The following HOMER2 variants were observed in gnomAD, a reference collection of about 807,000 sequenced individuals.
The protein encoded by HOMER2 is homer protein homolog 2.
In HOMER2, 27 loss-of-function variants were observed where a neutral mutation model predicts 47.0. That is an observed-to-expected ratio of 0.57 (90% CI 0.42 to 0.79). The LOEUF is 0.79. Ranked by LOEUF, HOMER2 falls within the 30% of genes least tolerant of loss-of-function variation. The pLI is 0.00. For synonymous variants in HOMER2, 161 were observed against 163.8 expected, an observed-to-expected ratio of 0.98 and a Z score of 0.13; for missense variants, 443 against 435.0, an observed-to-expected ratio of 1.02 and a Z score of -0.16.
downstream of HOMER2, chr15:82,845,217 TTC>T (rs1567006482): frequency 2.2e-5 from 2 of 89,252 alleles, no homozygotes; most frequent in East Asian, 2.7e-4. Flanking sequence ...TTGCTGTTTC[TTC>T]ACACACACAC....
intron 1 of HOMER2, among the ~76,000 whole-genome samples, chr15:82,928,897 T>G (rs1311496531): frequency 2.1e-5 from 2 of 97,252 alleles, no homozygotes; most frequent in African/African-American, 4.6e-5. Flanking sequence ...GAGAGCCCCA[T>G]CTACAAAAAA....
At chr15:82,963,802 C>T (rs2054650809) in intron 1 of HOMER2, among the ~76,000 whole-genome samples, 2 of 152,144 alleles carry the variant, frequency 1.3e-5, no homozygotes, top group African/African-American at 4.8e-5. Context: ...GCTGCTTTTA[C>T]CAACCCTCAA....
intron 2 of HOMER2, among the ~76,000 whole-genome samples, chr15:82,878,749 T>C (rs1194508479): frequency 6.6e-6 from 1 of 152,172 alleles, no homozygotes; most frequent in Non-Finnish European, 1.5e-5. Flanking sequence ...CGTCTCAGCC[T>C]CCCAAGTAGC....
At chr15:82,965,122 G>A (rs1022682377) in intron 1 of HOMER2, among the ~76,000 whole-genome samples, 4 of 151,990 alleles carry the variant, frequency 2.6e-5, no homozygotes, top group African/African-American at 9.7e-5. Flanking sequence ...TGGGCTCAAG[G>A]GATCCTCCTG....
At chr15:82,982,259 T>G (rs1028828772) in intron 1 of HOMER2, among the ~76,000 whole-genome samples, 7 of 152,204 alleles carry the variant, frequency 4.6e-5, no homozygotes, top group African/African-American at 1.7e-4. Context: ...TTGCAAACAT[T>G]TCCATCAAAA....
intron 2 of HOMER2, among the ~76,000 whole-genome samples, chr15:82,878,114 A>C (rs1313621355): frequency 6.6e-6 from 1 of 152,144 alleles, no homozygotes; most frequent in Non-Finnish European, 1.5e-5. Flanking sequence ...TTCACTTTAA[A>C]TCTTGCTGCT....
chr15:82,906,361 A>G (rs1344465123), intron 1 of HOMER2, among the ~76,000 whole-genome samples: 1 of 152,248 alleles, frequency 6.6e-6, no homozygotes, highest in Non-Finnish European at 1.5e-5. Context: ...TTAAATGTCA[A>G]TGTTCTAAAT....
Position 82,875,402 on chromosome 15 carries a change from C to A in HOMER2, c.165G>T (p.Val55=). Reference sequence around the variant, plus strand: ...TCGGTGTGATTGTGCTGTTTATGATCACCTGCAGAAAAACAGCCCAAAGAG... The same window carrying A: ...TCGGTGTGATTGTGCTGTTTATGATAACCTGCAGAAAAACAGCCCAAAGAG... The part of the protein sequence containing the change: ...YRIISVDGAK[V]IINSTITPNM... Residue 55 remains valine (V), a splice_region_variant and synonymous_variant, in exon 3 of 9, where the codon GTG becomes GTT. Transcript: ENST00000450735. 1.2e-6 allele frequency: 2 copies of A among 1,613,732 alleles called. No individual in the cohort carries two copies. Among genetic ancestry groups the A allele is most frequent in the Non-Finnish European group, 8.5e-7 (1 of 1,179,800 alleles).
upstream of HOMER2, chr15:82,952,819 G>C (rs997588256): frequency 4.3e-3 from 2,548 of 598,264 alleles, 57 homozygotes; most frequent in African/African-American, 0.053. Flanking sequence ...CGTGGCCCCC[G>C]GGCCGCGGCA....
At chr15:82,933,876 T>C (rs2054075481) in intron 1 of HOMER2, among the ~76,000 whole-genome samples, 1 of 152,080 alleles carries the variant, frequency 6.6e-6, no homozygotes, top group African/African-American at 2.4e-5. Flanking sequence ...GCCCAAGACA[T>C]GAATAGGTGC....
Position 82,859,151 on chromosome 15 carries a change from G to A in HOMER2, c.388-16C>T, listed in dbSNP as rs779974114. 1.2e-5 allele frequency: 19 copies of A among 1,613,778 alleles called. No individual in the cohort carries two copies. The highest frequency in any genetic ancestry group is 1.7e-5 in the Admixed American group (1 of 59,980). ...CACTGGATGCCTGAGTAGAAGATGG[G>A]GTTTCACGCCCAGATTCCTGGCCAA... On this transcript the variant is annotated splice_polypyrimidine_tract_variant and intron_variant, in intron 4 of 8. Transcript: ENST00000450735.
chr15:82,861,011 G>T (rs904561171), intron 4 of HOMER2, among the ~76,000 whole-genome samples: 1 of 140,986 alleles, frequency 7.1e-6, no homozygotes, highest in African/African-American at 2.7e-5. Flanking sequence ...AGAAAGAAAA[G>T]AAAACAAAAG....
At chr15:82,974,256 T>C (rs1358096137) in intron 1 of HOMER2, among the ~76,000 whole-genome samples, 1 of 150,998 alleles carries the variant, frequency 6.6e-6, no homozygotes. Flanking sequence ...AATACAAAAT[T>C]AGCCAGCCGT....
chr15:82,946,242 G>A (rs771404397), intron 1 of HOMER2, among the ~76,000 whole-genome samples: 6 of 152,172 alleles, frequency 3.9e-5, no homozygotes, highest in Non-Finnish European at 5.9e-5. Flanking sequence ...TATTTCCAGC[G>A]AACTGTGCGA....
Position 82,921,568 on chromosome 15 carries a change from C to G in HOMER2, c.6-28727G>C, listed in dbSNP as rs556024237. On this transcript the variant is annotated intron_variant, in intron 1 of 8. Coordinates refer to ENST00000450735, the MANE Select transcript of HOMER2 (RefSeq NM_004839.4). ...CCAGTCTTGGCTCTGCCAGTGGAGT[C>G]CACTCGTCCCCCATCCCGCTGATAT... Among the ~76,000 whole-genome samples, 9 of 152,350 alleles carry G rather than the reference C, an allele frequency of 5.9e-5. No individual in the cohort carries two copies. In the South Asian group the frequency reaches 1.9e-3, roughly 32 times the overall value.
exon 2 of HOMER2, chr15:82,838,023 T>TA (rs1287712448): frequency 6.6e-6 from 1 of 152,508 alleles, no homozygotes; most frequent in African/African-American, 2.4e-5. Context: ...AGGAAAGGAT[T>TA]CCAGGGATGG....
At chr15:82,977,740 T>C (rs979792692) in intron 1 of HOMER2, among the ~76,000 whole-genome samples, 1 of 152,168 alleles carries the variant, frequency 6.6e-6, no homozygotes, top group African/African-American at 2.4e-5. Flanking sequence ...AATGGTTATC[T>C]GATAAAAGGG....
At chr15:82,965,259 T>C (rs1273860525) in intron 1 of HOMER2, among the ~76,000 whole-genome samples, 2 of 152,152 alleles carry the variant, frequency 1.3e-5, no homozygotes, top group Non-Finnish European at 2.9e-5. Context: ...CCTCAAGTGA[T>C]CCTCCCATCT....
At chr15:82,910,877 A>G (rs1198243981) in intron 1 of HOMER2, among the ~76,000 whole-genome samples, 1 of 152,176 alleles carries the variant, frequency 6.6e-6, no homozygotes, top group Non-Finnish European at 1.5e-5. Flanking sequence ...GGTCAAAGTT[A>G]AACAAGAGGA....
Sources: allele counts gnomAD v4.1 joint callset (sites outside exome capture counted in the v4.1 genomes callset), GRCh38; gene constraint gnomAD v4.1.1; transcripts MANE v1.5; gene names NCBI Gene and HGNC (gene_info 2026-07-23, HGNC 2026-07-21).